The following DLG2 variants were observed in gnomAD, a reference collection of about 807,000 sequenced individuals.
The protein encoded by DLG2 is disks large homolog 2.
DLG2 carries 45 observed loss-of-function variants against 132.5 expected under a neutral mutation model. The ratio of observed to expected loss-of-function variants is 0.34; its 90% CI spans 0.27 to 0.44. The LOEUF is 0.44. Among genes scored for constraint, DLG2 ranks in the 20% least tolerant of loss-of-function variants. DLG2 has a pLI of 1.00. For synonymous variants in DLG2, 424 were observed against 419.6 expected (o/e 1.01, Z -0.13); for missense variants, 1,045 against 1,196.9 (o/e 0.87, Z 1.87).
At chr11:85,067,360 T>C (rs2065085284) in intron 6 of DLG2, among the ~76,000 whole-genome samples, 2 of 152,062 alleles carry the variant, frequency 1.3e-5, no homozygotes, top group Non-Finnish European at 2.9e-5. Flanking sequence ...TCTGCTCTCA[T>C]CTTAGTTATT....
At chr11:83,646,376 A>AGAGAGAGG (rs2068182977) in intron 18 of DLG2, among the ~76,000 whole-genome samples, 1 of 151,938 alleles carries the variant, frequency 6.6e-6, no homozygotes, top group African/African-American at 2.4e-5. Flanking sequence ...AGAGAGAGAG[A>AGAGAGAGG]GGAAGGAAGG....
At chr11:85,370,963 T>A (rs752620831) in intron 3 of DLG2, among the ~76,000 whole-genome samples, 1 of 152,188 alleles carries the variant, frequency 6.6e-6, no homozygotes, top group Non-Finnish European at 1.5e-5. Context: ...ACTAACATTG[T>A]TATGTTAAGT....
chr11:85,503,690 G>T (rs1490539787), intron 3 of DLG2, among the ~76,000 whole-genome samples: 4 of 152,032 alleles, frequency 2.6e-5, no homozygotes, highest in Non-Finnish European at 5.9e-5. Context: ...CCAACACCTT[G>T]GGAGCCTAAG....
At chr11:85,084,941 A>G (rs1343803573) in intron 6 of DLG2, among the ~76,000 whole-genome samples, 1 of 152,194 alleles carries the variant, frequency 6.6e-6, no homozygotes, top group Non-Finnish European at 1.5e-5. Flanking sequence ...AAGCTATGCA[A>G]ATATAGCTTG....
chr11:84,774,004 C>T (rs542061208), intron 6 of DLG2, among the ~76,000 whole-genome samples: 21 of 152,138 alleles, frequency 1.4e-4, no homozygotes, highest in Middle Eastern at 6.8e-3. Flanking sequence ...TCTCTCTCTT[C>T]GCTGATGATA....
At chr11:85,523,733 A>C (rs1433278493) in intron 3 of DLG2, among the ~76,000 whole-genome samples, 2 of 152,226 alleles carry the variant, frequency 1.3e-5, no homozygotes, top group Non-Finnish European at 2.9e-5. Context: ...TGCTGGGTAC[A>C]TACCCAAAAG....
intron 14 of DLG2, among the ~76,000 whole-genome samples, chr11:83,956,278 G>C (rs1591789734): frequency 6.6e-6 from 1 of 152,188 alleles, no homozygotes; most frequent in African/African-American, 2.4e-5. Flanking sequence ...CAGAAAGGCT[G>C]TCACACCAGA....
chr11:84,363,154 C>A (rs1256555095), intron 7 of DLG2, among the ~76,000 whole-genome samples: 3 of 151,766 alleles, frequency 2.0e-5, no homozygotes, highest in Admixed American at 2.0e-4. Flanking sequence ...TATTTCTCCA[C>A]ATCCTCTCCA....
At chr11:85,071,083 G>A (rs752175240) in intron 6 of DLG2, among the ~76,000 whole-genome samples, 14 of 151,890 alleles carry the variant, frequency 9.2e-5, no homozygotes, top group African/African-American at 3.1e-4. Context: ...GGACAATAGC[G>A]TTTAACACAT....
intron 7 of DLG2, among the ~76,000 whole-genome samples, chr11:84,435,263 G>T (rs4320973): frequency 6.6e-6 from 1 of 151,892 alleles, no homozygotes; most frequent in African/African-American, 2.4e-5. Flanking sequence ...TGAACCCTTA[G>T]AAAAAAATTA....
intron 7 of DLG2, among the ~76,000 whole-genome samples, chr11:84,302,826 C>T (rs1336962025): frequency 1.3e-5 from 2 of 152,066 alleles, no homozygotes; most frequent in African/African-American, 4.8e-5. Context: ...GTGGCTCATG[C>T]TTGAAATCTC....
At chr11:84,487,917 T>A (rs1603123330) in intron 7 of DLG2, among the ~76,000 whole-genome samples, 1 of 152,136 alleles carries the variant, frequency 6.6e-6, no homozygotes, top group South Asian at 2.1e-4. Context: ...AAGCACCTAA[T>A]GTATTTCAGG....
chr11:83,988,838 G>C (rs545473268), intron 11 of DLG2, among the ~76,000 whole-genome samples: 4 of 151,822 alleles, frequency 2.6e-5, no homozygotes, highest in Non-Finnish European at 5.9e-5. Context: ...TCCTTATCCT[G>C]CTCTAGTTTT....
chr11:84,419,875 G>A (rs1445966484), intron 7 of DLG2, among the ~76,000 whole-genome samples: 1 of 152,152 alleles, frequency 6.6e-6, no homozygotes, highest in Non-Finnish European at 1.5e-5. Flanking sequence ...GCTCTATCAG[G>A]CAATACCTTC....
chr11:84,150,339 A>G (rs1596187464), intron 9 of DLG2, among the ~76,000 whole-genome samples: 1 of 152,210 alleles, frequency 6.6e-6, no homozygotes, highest in East Asian at 1.9e-4. Flanking sequence ...CCTGCTGTAA[A>G]TAGGATTGCA....
intron 14 of DLG2, among the ~76,000 whole-genome samples, chr11:83,930,958 T>C (rs1733296690): frequency 6.6e-6 from 1 of 152,230 alleles, no homozygotes; most frequent in Non-Finnish European, 1.5e-5. Flanking sequence ...GGAGTGGCAC[T>C]ATACCAACTC....
intron 8 of DLG2, among the ~76,000 whole-genome samples, chr11:84,187,913 T>C (rs559852845): frequency 6.6e-6 from 1 of 152,212 alleles, no homozygotes; most frequent in East Asian, 1.9e-4. Context: ...CATATATTCT[T>C]TTGGAGAGAG....
intron 3 of DLG2, among the ~76,000 whole-genome samples, chr11:85,540,359 C>A (rs1287589053): frequency 6.6e-6 from 1 of 152,184 alleles, no homozygotes; most frequent in Non-Finnish European, 1.5e-5. Flanking sequence ...ATCAGAAGAG[C>A]ACACTGACAG....
chr11:84,403,580 C>T (rs2098838178), intron 7 of DLG2, among the ~76,000 whole-genome samples: 1 of 152,100 alleles, frequency 6.6e-6, no homozygotes, highest in Non-Finnish European at 1.5e-5. Context: ...TCCTGATTAA[C>T]CTCCCTAAAA....
Sources: gnomAD v4.1 joint callset for allele counts (sites outside exome capture counted in the v4.1 genomes callset) on GRCh38, gnomAD v4.1.1 for gene constraint, MANE v1.5 for transcripts, NCBI Gene and HGNC (gene_info 2026-07-23, HGNC 2026-07-21) for gene names.